ATP10A: variants seen among roughly 807,000 people sequenced by gnomAD.
ATP10A encodes the protein ATPase phospholipid transporting 10A (putative), also known as phospholipid-transporting ATPase VA.
ATP10A carries 111 observed loss-of-function variants against 147.8 expected under a neutral mutation model. The ratio of observed to expected loss-of-function variants is 0.75; its 90% CI spans 0.64 to 0.88. The LOEUF is 0.88. Ranked by LOEUF, ATP10A falls within the 40% of genes least tolerant of loss-of-function variation. The pLI is 0.00. For synonymous variants in ATP10A, 875 were observed against 841.6 expected (o/e 1.04, Z -0.69); for missense variants, 1,927 against 1,959.0 (o/e 0.98, Z 0.31).
intron 1 of ATP10A, among the ~76,000 whole-genome samples, chr15:25,844,268 T>C (rs1892926205): frequency 6.6e-6 from 1 of 152,092 alleles, no homozygotes; most frequent in Admixed American, 6.5e-5. Context: ...AGGGAACAGG[T>C]GGTGCGTTTC....
chr15:25,721,725 A>G lies in ATP10A; in HGVS notation c.1295T>C (p.Leu432Ser). Residue 432 changes from leucine to serine, a missense_variant, in exon 7 of 21, where the codon TTG becomes TCG. Transcript: ENST00000555815. ...TCGGAAAACCATCTTATTCTCTGTC[A>G]AAGTGCCAGTTTTATCTGAGAAAAT... ...QYIFSDKTGT[L>S]TENKMVFRRC... 2 of 1,614,160 alleles carry G rather than the reference A, an allele frequency of 1.2e-6. No homozygotes were observed. The highest frequency in any genetic ancestry group is 2.2e-5 in the East Asian group (1 of 44,868).
intron 1 of ATP10A, among the ~76,000 whole-genome samples, chr15:25,814,528 A>C (rs1208632969): frequency 6.6e-6 from 1 of 152,182 alleles, no homozygotes; most frequent in Non-Finnish European, 1.5e-5. Flanking sequence ...TGGAATCCAA[A>C]TCCCATTTGC....
chr15:25,676,349 C>T (rs149906758), downstream of ATP10A, among the ~76,000 whole-genome samples: 179 of 152,344 alleles, frequency 1.2e-3, 3 homozygotes, highest in East Asian at 0.017. Context: ...CCTCTCCCCG[C>T]GCCTCCCTGG....
chr15:25,672,397 C>T (rs1021949795), downstream of ATP10A, among the ~76,000 whole-genome samples: 1 of 152,188 alleles, frequency 6.6e-6, no homozygotes, highest in Non-Finnish European at 1.5e-5. Flanking sequence ...TGTCGGCCGA[C>T]ATGGGCTATG....
chr15:25,820,759 T>C (rs186813006), intron 1 of ATP10A, among the ~76,000 whole-genome samples: 24 of 152,274 alleles, frequency 1.6e-4, no homozygotes, highest in East Asian at 5.8e-4. Context: ...ACAACACCTG[T>C]ACCCAAACAG....
intron 1 of ATP10A, among the ~76,000 whole-genome samples, chr15:25,808,918 TC>T (rs1237649674): frequency 6.6e-6 from 1 of 152,090 alleles, no homozygotes; most frequent in Non-Finnish European, 1.5e-5. Context: ...AGAGCAAGGT[TC>T]CCCAGGCTTT....
At chr15:25,693,656 T>G (rs889922395) in intron 14 of ATP10A, among the ~76,000 whole-genome samples, 4 of 152,160 alleles carry the variant, frequency 2.6e-5, no homozygotes, top group African/African-American at 9.6e-5. Context: ...CCCAGGCACA[T>G]GAAGGCAAAG....
Position 25,727,223 on chromosome 15 carries a change from G to C in ATP10A, c.784C>G (p.Leu262Val). 1 of 1,613,962 alleles carries C rather than the reference G, an allele frequency of 6.2e-7. No individual in the cohort carries two copies. The highest frequency in any genetic ancestry group is 1.1e-5 in the South Asian group (1 of 91,036). ...GKKAGLYKEN[L>V]LLRGCTLRNT... ...CTAAGGGTGCAGCCCCTCAGCAGCAGGTTTTCTTTATACAGCCCGGCCTTT... is the reference window on the plus strand; with the variant it reads ...CTAAGGGTGCAGCCCCTCAGCAGCACGTTTTCTTTATACAGCCCGGCCTTT... Residue 262 changes from leucine to valine, a missense_variant, in exon 4 of 21, where the codon CTG (leucine) becomes GTG (valine). Coordinates refer to ENST00000555815, the MANE Select transcript of ATP10A (RefSeq NM_024490.4).
intron 2 of ATP10A, among the ~76,000 whole-genome samples, chr15:25,754,422 T>G (rs551749127): frequency 6.6e-6 from 1 of 152,144 alleles, no homozygotes; most frequent in Non-Finnish European, 1.5e-5. Context: ...CGAGAGCCAC[T>G]GGGCTGCAGT....
intron 1 of ATP10A, among the ~76,000 whole-genome samples, chr15:25,797,404 GA>G (rs1403347543): frequency 6.6e-6 from 1 of 152,126 alleles, no homozygotes; most frequent in Non-Finnish European, 1.5e-5. Flanking sequence ...AGAGTCCCCT[GA>G]GGCCAGTGCC....
chr15:25,804,297 G>A (rs905731714), intron 1 of ATP10A, among the ~76,000 whole-genome samples: 1 of 148,284 alleles, frequency 6.7e-6, no homozygotes, highest in African/African-American at 2.5e-5. Context: ...TGGTGTGTGA[G>A]TGTTCGTGTG....
chr15:25,691,998 G>C (rs555481143), intron 14 of ATP10A, among the ~76,000 whole-genome samples: 1 of 152,092 alleles, frequency 6.6e-6, no homozygotes, highest in Non-Finnish European at 1.5e-5. Context: ...GAGATGTTTC[G>C]GAAAGCGGGC....
intron 1 of ATP10A, among the ~76,000 whole-genome samples, chr15:25,844,927 A>G (rs551918127): frequency 6.6e-6 from 1 of 152,194 alleles, no homozygotes; most frequent in African/African-American, 2.4e-5. Flanking sequence ...ATCCCCAGTC[A>G]CTGTGTGCTT....
intron 4 of ATP10A, among the ~76,000 whole-genome samples, chr15:25,726,535 A>G (rs1436417021): frequency 6.6e-6 from 1 of 151,064 alleles, no homozygotes. Context: ...TCCGTCTCTC[A>G]GGTTCAAGAG....
At chr15:25,837,986 C>G (rs757694506) in intron 1 of ATP10A, among the ~76,000 whole-genome samples, 1 of 152,184 alleles carries the variant, frequency 6.6e-6, no homozygotes, top group African/African-American at 2.4e-5. Context: ...GCCAGGGCTC[C>G]GGGCCATGGA....
chr15:25,694,391 G>C (rs1900196174), intron 14 of ATP10A, among the ~76,000 whole-genome samples: 1 of 152,240 alleles, frequency 6.6e-6, no homozygotes, highest in African/African-American at 2.4e-5. Flanking sequence ...TGGGCCCTTA[G>C]GGCGTTACAA....
intron 1 of ATP10A, among the ~76,000 whole-genome samples, chr15:25,825,790 C>T (rs1023323163): frequency 2.0e-5 from 3 of 151,926 alleles, no homozygotes; most frequent in African/African-American, 7.2e-5. Context: ...TTTTCAACAA[C>T]AAAAAAATTA....
At chr15:25,727,839 A>G (rs1902674702) in intron 3 of ATP10A, among the ~76,000 whole-genome samples, 1 of 152,246 alleles carries the variant, frequency 6.6e-6, no homozygotes, top group South Asian at 2.1e-4. Context: ...ATTTAGATCC[A>G]GAGGGATAGT....
At chr15:25,785,174 A>AC (rs1022937956) in intron 1 of ATP10A, among the ~76,000 whole-genome samples, 5 of 152,056 alleles carry the variant, frequency 3.3e-5, no homozygotes, top group Admixed American at 3.3e-4. Context: ...CATTTCCCTA[A>AC]CAGCCTTTCC....
Sources: gnomAD v4.1 joint callset for allele counts (sites outside exome capture counted in the v4.1 genomes callset) on GRCh38, gnomAD v4.1.1 for gene constraint, MANE v1.5 for transcripts, NCBI Gene and HGNC (gene_info 2026-07-23, HGNC 2026-07-21) for gene names.